The following ARMC8 variants were observed in gnomAD, a reference collection of about 807,000 sequenced individuals.
The protein encoded by ARMC8 is armadillo repeat-containing protein 8.
A neutral mutation model predicts 99.3 loss-of-function variants in ARMC8; 20 were observed. The observed-to-expected ratio is 0.20, with a 90% CI of 0.14 to 0.29. The LOEUF (loss-of-function observed/expected upper bound fraction) is 0.29. Among genes scored for constraint, ARMC8 ranks in the 10% least tolerant of loss-of-function variants. ARMC8 has a pLI of 1.00. For missense variants in ARMC8, 569 were observed against 809.5 expected, an observed-to-expected ratio of 0.70 and a Z score of 3.60; for synonymous variants, 263 against 278.3, an observed-to-expected ratio of 0.95 and a Z score of 0.55.
chr3:138,191,429 C>T (rs1413409187), intron 1 of ARMC8, among the ~76,000 whole-genome samples: 1 of 152,140 alleles, frequency 6.6e-6, no homozygotes, highest in African/African-American at 2.4e-5. Flanking sequence ...ACAGACAGGT[C>T]CCTGTGTACA....
chr3:138,259,257 G>A (rs1196854723), intron 12 of ARMC8, among the ~76,000 whole-genome samples: 4 of 152,224 alleles, frequency 2.6e-5, no homozygotes, highest in Admixed American at 6.5e-5. Context: ...TCAGAGGGCT[G>A]TGGCAGCAGC....
At chr3:138,236,114 T>C (rs1161831693) in intron 7 of ARMC8, among the ~76,000 whole-genome samples, 1 of 152,202 alleles carries the variant, frequency 6.6e-6, no homozygotes, top group East Asian at 1.9e-4. Flanking sequence ...CCTGTCCTTT[T>C]AGTCTTTAAA....
chr3:138,252,738 G>GCCCC (rs1348787471), intron 12 of ARMC8, among the ~76,000 whole-genome samples: 19 of 3,494 alleles, frequency 5.4e-3, no homozygotes, highest in South Asian at 0.056. Flanking sequence ...ACAGGCGTGA[G>GCCCC]CCACCCCGCC....
At chr3:138,247,583 T>G (rs528991584) in intron 12 of ARMC8, among the ~76,000 whole-genome samples, 13 of 152,286 alleles carry the variant, frequency 8.5e-5, no homozygotes, top group Non-Finnish European at 1.3e-4. Context: ...AGTGCCCTAT[T>G]ATGGCCAGTT....
intron 12 of ARMC8, among the ~76,000 whole-genome samples, chr3:138,257,989 T>TA (rs1560000724): frequency 2.0e-5 from 3 of 152,230 alleles, no homozygotes; most frequent in African/African-American, 7.2e-5. Flanking sequence ...TCCAGGTCCT[T>TA]ATTCTTTCTG....
At chr3:138,203,531 A>G (rs1026158311) in intron 1 of ARMC8, among the ~76,000 whole-genome samples, 2 of 152,208 alleles carry the variant, frequency 1.3e-5, no homozygotes, top group African/African-American at 4.8e-5. Context: ...TCCACGGGGC[A>G]GCTCCACAGC....
At chr3:138,195,731 A>G (rs1197992933) in intron 1 of ARMC8, among the ~76,000 whole-genome samples, 1 of 152,154 alleles carries the variant, frequency 6.6e-6, no homozygotes, top group Non-Finnish European at 1.5e-5. Flanking sequence ...TAGAAATTGG[A>G]GAGCAGCTGC....
intron 12 of ARMC8, among the ~76,000 whole-genome samples, chr3:138,251,834 A>G (rs1197676633): frequency 6.6e-6 from 1 of 152,230 alleles, no homozygotes; most frequent in Admixed American, 6.5e-5. Context: ...TGCTTAAGCC[A>G]TTGAAAGTAT....
intron 15 of ARMC8, among the ~76,000 whole-genome samples, chr3:138,269,608 A>G (rs917250974): frequency 7.2e-5 from 11 of 152,130 alleles, no homozygotes; most frequent in Admixed American, 7.2e-4. Context: ...TCCTTTACCA[A>G]CCATATTACT....
rs750201123 is a variant in ARMC8, at chr3:138,228,958, G to A, written c.476G>A (p.Arg159Lys). 15 of 1,609,950 alleles carry A rather than the reference G, an allele frequency of 9.3e-6. No individual in the cohort carries two copies. Among genetic ancestry groups the A allele is most frequent in the Non-Finnish European group, 1.3e-5 (15 of 1,177,826 alleles). The change falls in exon 6 of 22, where the codon AGG becomes AAG. Residue 159 changes from arginine (R) to lysine (K), a missense_variant. Arg to Lys is a conservative substitution (Grantham distance 26). Coordinates refer to ENST00000469044, the MANE Select transcript of ARMC8 (RefSeq NM_001363941.2). ...VIPHLMALLS[R>K]SRYTQEYICQ... is the part of the protein sequence containing the mutation. ...CCACACCTCATGGCACTGCTTAGCA[G>A]GTCCCGCTATACCCAGGAGTACATC...
intron 10 of ARMC8, among the ~76,000 whole-genome samples, chr3:138,241,249 G>A (rs2046605282): frequency 6.6e-6 from 1 of 152,112 alleles, no homozygotes. Flanking sequence ...TAGTAGAACT[G>A]GTGGAATCTG....
chr3:138,280,327 A>ATG (rs2049764885), intron 18 of ARMC8, among the ~76,000 whole-genome samples: 2 of 149,088 alleles, frequency 1.3e-5, no homozygotes, highest in African/African-American at 4.9e-5. Flanking sequence ...TTATTATTAT[A>ATG]TATATTTTAA....
chr3:138,254,151 A>G (rs572778959), intron 12 of ARMC8, among the ~76,000 whole-genome samples: 1 of 152,340 alleles, frequency 6.6e-6, no homozygotes, highest in African/African-American at 2.4e-5. Context: ...CAGATTATGT[A>G]TCAAGGTGCT....
At chr3:138,205,602 C>T (rs2044328301) in intron 1 of ARMC8, among the ~76,000 whole-genome samples, 1 of 152,156 alleles carries the variant, frequency 6.6e-6, no homozygotes, top group African/African-American at 2.4e-5. Flanking sequence ...CCTTTCTCCA[C>T]ACGTGTCTGT....
intron 19 of ARMC8, 64 bp from the exon 20 acceptor site, chr3:138,288,984 C>A (rs1334622065): frequency 3.7e-6 from 5 of 1,352,898 alleles, no homozygotes; most frequent in East Asian, 5.0e-5. Flanking sequence ...TAGGTCCCCC[C>A]AAAAAAAAAT....
At chr3:138,294,759 C>T (rs569799639) in intron 21 of ARMC8, among the ~76,000 whole-genome samples, 2 of 152,138 alleles carry the variant, frequency 1.3e-5, no homozygotes, top group East Asian at 3.8e-4. Flanking sequence ...AGAAACTTTA[C>T]CATGTTTGTG....
chr3:138,260,504 G>C (rs1382184910), intron 12 of ARMC8, among the ~76,000 whole-genome samples: 2 of 152,028 alleles, frequency 1.3e-5, no homozygotes, highest in Non-Finnish European at 2.9e-5. Context: ...CTTTCCACAG[G>C]TTCTTTCATA....
At chr3:138,208,553 T>C (rs1377591035) in intron 1 of ARMC8, among the ~76,000 whole-genome samples, 1 of 151,794 alleles carries the variant, frequency 6.6e-6, no homozygotes, top group Non-Finnish European at 1.5e-5. Flanking sequence ...GAGTTATTTT[T>C]GGTGGCTCAA....
intron 15 of ARMC8, 112 bp downstream of exon 15, chr3:138,267,353 C>T (rs1030730663): frequency 5.0e-5 from 30 of 603,982 alleles, no homozygotes; most frequent in African/African-American, 1.5e-4. Flanking sequence ...AAAACTACTT[C>T]GGAATTGTTT....
Sources: allele counts gnomAD v4.1 joint callset (sites outside exome capture counted in the v4.1 genomes callset), GRCh38; gene constraint gnomAD v4.1.1; transcripts MANE v1.5; gene names NCBI Gene and HGNC (gene_info 2026-07-23, HGNC 2026-07-21).